Variants in SH3PXD2B observed in about 807,000 individuals in gnomAD.
The protein encoded by SH3PXD2B is SH3 and PX domains 2B.
A neutral mutation model predicts 73.1 loss-of-function variants in SH3PXD2B; 37 were observed. The observed-to-expected ratio is 0.51, with a 90% CI of 0.39 to 0.67. The LOEUF is 0.67. Ranked by LOEUF, SH3PXD2B falls within the 30% of genes least tolerant of loss-of-function variation. SH3PXD2B has a pLI of 0.00. For missense variants in SH3PXD2B, 1,053 were observed against 1,197.8 expected (o/e 0.88, Z 1.78); for synonymous variants, 457 against 480.5 (o/e 0.95, Z 0.64).
chr5:172,335,324 G>A lies in SH3PXD2B; in HGVS notation c.*3045C>T. ...ATGTGTGAGCAAGGGGCGGGGGGAA[G>A]AGGCACCGAAATTCAGAGGGAGGGT... On this transcript the variant is annotated 3_prime_UTR_variant, in exon 13 of 13. Coordinates refer to ENST00000311601, the MANE Select transcript of SH3PXD2B (RefSeq NM_001017995.3). 8.4e-7 allele frequency: 1 copy of A among 1,189,136 alleles called. No individual in the cohort carries two copies. The highest frequency in any genetic ancestry group is 1.0e-6 in the Non-Finnish European group (1 of 961,534). The allele number at this position is 1,189,136 out of a possible 1,614,324, so 73.7% of individuals were successfully genotyped here. A position where few individuals can be genotyped will look rare whatever the true frequency, so the allele number is the denominator to read the frequency against.
At chr5:172,418,660 A>C (rs1758881603) in intron 2 of SH3PXD2B, among the ~76,000 whole-genome samples, 3 of 151,986 alleles carry the variant, frequency 2.0e-5, no homozygotes, top group South Asian at 4.1e-4. Context: ...GTGGGGGAGG[A>C]GGCGGCCGGT....
At position 172,336,358 on chromosome 5, in the gene SH3PXD2B, C is replaced by T; in HGVS notation, c.*2011G>A. The T allele has an allele frequency of 1.0e-6, 1 of 985,770 alleles. No individual in the cohort carries two copies. The highest frequency in any genetic ancestry group is 1.2e-6 in the Non-Finnish European group (1 of 830,002). The allele number at this position is 985,770 out of a possible 1,614,324, so 61.1% of individuals were successfully genotyped here. On this transcript the variant is annotated 3_prime_UTR_variant, in exon 13 of 13. Coordinates refer to ENST00000311601, the MANE Select transcript of SH3PXD2B (RefSeq NM_001017995.3). ...GTGGCGGCCCTTCCCCACCTCCCTT[C>T]TTCCCCTGGCTGCCATCTGCCCCCA...
rs548602194 is a variant in SH3PXD2B, at chr5:172,338,203, G to A, written c.*166C>T. The stretch of plus-strand genomic sequence containing the variant: ...GGAGGGATCAGGCCCAGGGGCGCCC[G>A]AGGTGTCCGAAACTCACTCTCCACC... On this transcript the variant is annotated 3_prime_UTR_variant, in exon 13 of 13. Transcript: ENST00000311601. This position sits in a 1 kb window ranked among gnomAD's most constrained non-coding sequence, Gnocchi z 5.1. 100 of 1,512,406 alleles carry A rather than the reference G, an allele frequency of 6.6e-5. No homozygotes were observed. In the South Asian group the frequency reaches 1.0e-3, roughly 16 times the overall value. 93.7% of individuals were successfully genotyped at this position (1,512,406 alleles called of 1,614,324 possible).
At chr5:172,376,959 T>C (rs1443102313) in intron 5 of SH3PXD2B, among the ~76,000 whole-genome samples, 1 of 152,182 alleles carries the variant, frequency 6.6e-6, no homozygotes, top group Non-Finnish European at 1.5e-5. Flanking sequence ...TCTTGGCTGC[T>C]GCATCAAGAC....
intron 2 of SH3PXD2B, among the ~76,000 whole-genome samples, chr5:172,414,326 G>A (rs539074763): frequency 3.9e-5 from 6 of 151,982 alleles, no homozygotes; most frequent in Middle Eastern, 3.4e-3. Context: ...AAAATTAGCC[G>A]GGCATGGTAG....
At chr5:172,359,573 G>A (rs1245478823) in intron 7 of SH3PXD2B, among the ~76,000 whole-genome samples, 2 of 152,196 alleles carry the variant, frequency 1.3e-5, no homozygotes, top group African/African-American at 4.8e-5. Context: ...GAGCTGTGAC[G>A]TGTGCACGGG....
At chr5:172,408,534 C>CTTTTTTTTTTTTTTTTT (rs34377327) in intron 2 of SH3PXD2B, among the ~76,000 whole-genome samples, 2 of 92,670 alleles carry the variant, frequency 2.2e-5, no homozygotes, top group African/African-American at 5.0e-5. Flanking sequence ...TGGGTTATCA[C>CTTTTTTTTTTTTTTTTT]TTTTTTTTTT....
In SH3PXD2B at chr5:172,396,293, G is replaced by A. The variant is rs531575665; in HGVS notation, c.233-1654C>T. Among the ~76,000 whole-genome samples the A allele has an allele frequency of 9.3e-5, 14 of 150,504 alleles. No individual in the cohort carries two copies. The South Asian group carries it at 2.3e-3, about 25-fold the overall frequency. On this transcript the variant is annotated intron_variant, in intron 3 of 12. Transcript: ENST00000311601. Reference sequence around the variant, plus strand: ...GGAAGCTAAGGCAGGAGAATCACTCGCATCTGGGAGGCAGAGGATGCAGTG... The same window carrying A: ...GGAAGCTAAGGCAGGAGAATCACTCACATCTGGGAGGCAGAGGATGCAGTG...
At chr5:172,340,694 A>G (rs1403582879) in intron 12 of SH3PXD2B, among the ~76,000 whole-genome samples, 6 of 152,232 alleles carry the variant, frequency 3.9e-5, no homozygotes, top group Non-Finnish European at 8.8e-5. Flanking sequence ...TCCCAGGTTC[A>G]AGCGATTCTC....
chr5:172,439,692 G>GCGCACACACACACACACACACACA (rs1554087696), intron 1 of SH3PXD2B, among the ~76,000 whole-genome samples: 2 of 138,542 alleles, frequency 1.4e-5, no homozygotes, highest in African/African-American at 5.6e-5. Flanking sequence ...GCACGCGCGC[G>GCGCACACACACACACACACACACA]CACACACACA....
At chr5:172,427,456 C>T (rs1328363990) in intron 1 of SH3PXD2B, among the ~76,000 whole-genome samples, 1 of 152,162 alleles carries the variant, frequency 6.6e-6, no homozygotes, top group Non-Finnish European at 1.5e-5. Flanking sequence ...AGCAATCCTC[C>T]CACCTCAGCC....
At chr5:172,341,162 C>T (rs998342766) in intron 12 of SH3PXD2B, among the ~76,000 whole-genome samples, 1 of 152,156 alleles carries the variant, frequency 6.6e-6, no homozygotes, top group Non-Finnish European at 1.5e-5. Context: ...TGAATTGTGT[C>T]CCCCTACCCA....
intron 7 of SH3PXD2B, among the ~76,000 whole-genome samples, chr5:172,359,705 C>A (rs776392852): frequency 1.3e-4 from 20 of 152,116 alleles, no homozygotes; most frequent in Non-Finnish European, 1.3e-4. Flanking sequence ...AGAATAATGA[C>A]CCCCTCCCCA....
Position 172,339,383 on chromosome 5 carries a change from G to C in SH3PXD2B, c.1722C>G (p.Asp574Glu). Reference protein sequence around the residue: ...MPAKHIPPARDSRRPEPKPDK... With the variant: ...MPAKHIPPARESRRPEPKPDK... ...CAGGTTTGGGCTCTGGCCTCCTGCT[G>C]TCCCGGGCTGGAGGGATGTGTTTGG... Residue 574 changes from aspartate (D) to glutamate (E), a missense_variant, in exon 13 of 13, where the codon GAC (aspartate) becomes GAG (glutamate). Coordinates refer to ENST00000311601, the MANE Select transcript of SH3PXD2B (RefSeq NM_001017995.3). This position sits in a 1 kb window ranked among gnomAD's most constrained non-coding sequence, Gnocchi z 6.1. 1 of 1,614,204 alleles carries C rather than the reference G, an allele frequency of 6.2e-7. No individual in the cohort carries two copies. Among genetic ancestry groups the C allele is most frequent in the Non-Finnish European group, 8.5e-7 (1 of 1,180,032 alleles).
rs1177021606 is a variant in SH3PXD2B at position 172,353,427 on chromosome 5, T to C, written c.785+461A>G. ...ACATAGGTGAAAGGGCTGTGAAAGG[T>C]GTTTGGAATGCAGACGCCCTGCTTT... On this transcript the variant is annotated intron_variant, in intron 9 of 12. Coordinates refer to ENST00000311601, the MANE Select transcript of SH3PXD2B (RefSeq NM_001017995.3). The surrounding 1 kb of genome is among the most constrained non-coding windows in gnomAD (Gnocchi z 4.3). 2.0e-5 allele frequency among the ~76,000 whole-genome samples: 3 copies of C among 152,000 alleles called. No homozygotes were observed. Among genetic ancestry groups the C allele is most frequent in the Non-Finnish European group, 4.4e-5 (3 of 68,004 alleles).
At chr5:172,356,358 C>T (rs79157349) in intron 8 of SH3PXD2B, among the ~76,000 whole-genome samples, 8,522 of 152,284 alleles carry the variant, frequency 0.056, 337 homozygotes, top group South Asian at 0.22. Context: ...TAAGTCAATA[C>T]ACTTCCCCTT....
At chr5:172,368,652 A>ATATATATATTATATATATAAT (rs1561908520) in intron 6 of SH3PXD2B, among the ~76,000 whole-genome samples, 1 of 11,660 alleles carries the variant, frequency 8.6e-5, no homozygotes, top group Non-Finnish European at 1.2e-4. Context: ...ATATATATAA[A>ATATATATATTATATATATAAT]ATATATATAT....
intron 2 of SH3PXD2B, among the ~76,000 whole-genome samples, chr5:172,413,119 C>G (rs7731583): frequency 0.17 from 25,717 of 152,224 alleles, 2,995 homozygotes; most frequent in African/African-American, 0.33. Context: ...TATCACAAAA[C>G]CCCCAAGTCC....
intron 1 of SH3PXD2B, among the ~76,000 whole-genome samples, chr5:172,426,767 C>T (rs150328452): frequency 4.5e-4 from 68 of 152,276 alleles, no homozygotes; most frequent in African/African-American, 1.6e-3. Context: ...AGAACCTACA[C>T]CAGGAATTTC....
Sources: allele counts gnomAD v4.1 joint callset (sites outside exome capture counted in the v4.1 genomes callset), GRCh38; gene constraint gnomAD v4.1.1; non-coding constraint Gnocchi (gnomAD v3.1); transcripts MANE v1.5; gene names NCBI Gene and HGNC (gene_info 2026-07-23, HGNC 2026-07-21).